SP3: variants seen among roughly 807,000 people sequenced by gnomAD.
SP3 encodes the protein transcription factor Sp3.
SP3 carries 10 observed loss-of-function variants against 70.3 expected under a neutral mutation model. The ratio of observed to expected loss-of-function variants is 0.14; its 90% confidence interval spans 0.09 to 0.24. The LOEUF is 0.24. SP3 is among the 10% of genes least tolerant of loss of function. The pLI, the probability that SP3 is intolerant of heterozygous loss-of-function variation, is 1.00. For missense variants in SP3, 825 were observed against 914.6 expected (o/e 0.90, Z 1.26); for synonymous variants, 402 against 333.5 (o/e 1.21, Z -2.24).
chr2:173,930,211 T>C (rs954214239), intron 4 of SP3, among the ~76,000 whole-genome samples: 2 of 152,194 alleles, frequency 1.3e-5, no homozygotes, highest in African/African-American at 4.8e-5. Context: ...GACTGGATCC[T>C]ACCAAAAGGA....
intron 3 of SP3, among the ~76,000 whole-genome samples, chr2:173,958,363 C>T (rs1690959998): frequency 6.7e-6 from 1 of 149,194 alleles, no homozygotes; most frequent in South Asian, 2.1e-4. Context: ...AAAATAAATA[C>T]AGCTAACGCA....
At chr2:173,951,033 A>AT (rs1690697201) in intron 4 of SP3, among the ~76,000 whole-genome samples, 1 of 152,174 alleles carries the variant, frequency 6.6e-6, no homozygotes, top group South Asian at 2.1e-4. Context: ...CTAAAATTCC[A>AT]TTTTGTATTC....
At chr2:173,941,326 T>C (rs1690367562) in intron 4 of SP3, among the ~76,000 whole-genome samples, 1 of 152,112 alleles carries the variant, frequency 6.6e-6, no homozygotes, top group African/African-American at 2.4e-5. Context: ...GAATAGATAA[T>C]GCTAGGCATG....
At chr2:173,927,991 GTTT>G (rs1387947927) in intron 4 of SP3, among the ~76,000 whole-genome samples, 1 of 152,082 alleles carries the variant, frequency 6.6e-6, no homozygotes, top group African/African-American at 2.4e-5. Flanking sequence ...CATAATTATA[GTTT>G]TTTATTTCTT....
chr2:173,910,731 A>G (rs573227368), intron 6 of SP3, among the ~76,000 whole-genome samples: 2 of 152,324 alleles, frequency 1.3e-5, no homozygotes, highest in East Asian at 3.9e-4. Context: ...AAGAAATGAC[A>G]CCACAAGCTT....
rs1303140598 is a variant in SP3 at position 173,907,284 on chromosome 2, T to C, written c.*2657A>G. The C allele has an allele frequency of 1.3e-5, 2 of 152,282 alleles. No individual in the cohort carries two copies. Among genetic ancestry groups the C allele is most frequent in the East Asian group, 1.9e-4 (1 of 5,192 alleles). The allele number at this position is 152,282 out of a possible 1,614,324, so 9.4% of individuals were successfully genotyped here. On this transcript the variant is annotated 3_prime_UTR_variant, in exon 7 of 7. Transcript: ENST00000310015. ...ATAAAGCAATTGACAAAACACCTAT[T>C]AGAGTATACCTACCCTGAGAATTAT...
At chr2:173,951,556 C>G (rs1288253978) in intron 4 of SP3, among the ~76,000 whole-genome samples, 1 of 152,184 alleles carries the variant, frequency 6.6e-6, no homozygotes, top group African/African-American at 2.4e-5. Context: ...CATTTAAAGT[C>G]TCAGATCTGC....
chr2:173,931,610 G>C (rs1196943833), intron 4 of SP3, among the ~76,000 whole-genome samples: 2 of 152,100 alleles, frequency 1.3e-5, no homozygotes, highest in Admixed American at 1.3e-4. Context: ...CCAAAGTGCT[G>C]GGGTTACAGG....
At position 173,916,957 on chromosome 2, in the gene SP3, A is replaced by C. The variant is rs1689631911; in HGVS notation, c.1832+1636T>G. The C allele has an allele frequency of 3.9e-5, 6 of 152,208 alleles. No individual in the cohort carries two copies. In the South Asian group the frequency reaches 1.0e-3, roughly 26 times the overall value. 9.4% of individuals were successfully genotyped at this position (152,208 alleles called of 1,614,324 possible). A position where few individuals can be genotyped will look rare whatever the true frequency, so the allele number is the denominator to read the frequency against. ...AAAATATGGTCACAAAAATTCTCAAAACAAGAACAGACATATAAAACAGTG... is the reference window on the plus strand; with the variant it reads ...AAAATATGGTCACAAAAATTCTCAACACAAGAACAGACATATAAAACAGTG... On this transcript the variant is annotated intron_variant, in intron 5 of 6. Transcript: ENST00000310015.
intron 3 of SP3, among the ~76,000 whole-genome samples, chr2:173,960,210 G>A (rs1382323898): frequency 6.6e-6 from 1 of 152,132 alleles, no homozygotes; most frequent in Non-Finnish European, 1.5e-5. Context: ...GTTGGCATTA[G>A]TACAGTAAAA....
At chr2:173,962,125 T>C (rs1158805052) in intron 3 of SP3, among the ~76,000 whole-genome samples, 1 of 152,134 alleles carries the variant, frequency 6.6e-6, no homozygotes, top group Non-Finnish European at 1.5e-5. Context: ...CATGGAAACT[T>C]CCCTACAAGT....
intron 4 of SP3, among the ~76,000 whole-genome samples, chr2:173,930,180 G>C (rs149324765): frequency 1.3e-5 from 2 of 152,262 alleles, no homozygotes; most frequent in African/African-American, 2.4e-5. Flanking sequence ...TTTTAACAAT[G>C]GAAGTGATGG....
chr2:173,926,509 G>A (rs534843129), intron 4 of SP3, among the ~76,000 whole-genome samples: 3 of 152,056 alleles, frequency 2.0e-5, no homozygotes, highest in South Asian at 2.1e-4. Flanking sequence ...CCTGTAGAAC[G>A]CACCAGAGGC....
In SP3 at chr2:173,939,688, CAG is replaced by C. The variant is rs1223479645; in HGVS notation, c.1639+15183_1639+15184del. 2.2e-5 allele frequency among the ~76,000 whole-genome samples: 3 copies of C among 133,688 alleles called. No individual in the cohort carries two copies. In the East Asian group the frequency reaches 7.2e-4, roughly 32 times the overall value. The allele number at this position is 133,688 out of a possible 152,430, so 87.7% of individuals were successfully genotyped here. ...GCTGAGGCAGGAAGATCACTTGAGCCAGAGAGGCGGAAGTTGTAGTGAGCCAA... is the reference window on the plus strand; with the variant it reads ...GCTGAGGCAGGAAGATCACTTGAGCCAGAGGCGGAAGTTGTAGTGAGCCAA... On this transcript the variant is annotated intron_variant, in intron 4 of 6. Coordinates refer to ENST00000310015, the MANE Select transcript of SP3 (RefSeq NM_003111.5).
chr2:173,913,421 G>A, intron 5 of SP3, 155 bp from the exon 6 acceptor site: 1 of 482,476 alleles, frequency 2.1e-6, no homozygotes, highest in Non-Finnish European at 3.4e-6. Context: ...CAGTTTAAAT[G>A]AAAATTTATG....
At chr2:173,923,378 A>G (rs953272812) in intron 4 of SP3, among the ~76,000 whole-genome samples, 1 of 152,140 alleles carries the variant, frequency 6.6e-6, no homozygotes, top group Admixed American at 6.6e-5. Context: ...ACACACCCAC[A>G]CACACAATAT....
chr2:173,963,079 T>C (rs1691138072), intron 3 of SP3: 1 of 152,260 alleles, frequency 6.6e-6, no homozygotes, highest in African/African-American at 2.4e-5. Context: ...CACATACTTT[T>C]CTAACACTGT....
chr2:173,915,007 C>A (rs1689586638), intron 5 of SP3: 1 of 152,146 alleles, frequency 6.6e-6, no homozygotes, highest in Non-Finnish European at 1.5e-5. Context: ...TGCCTCTCCT[C>A]TAAGCCTACC....
At chr2:173,962,937 G>A (rs538463771) in intron 3 of SP3, 21 of 152,266 alleles carry the variant, frequency 1.4e-4, no homozygotes, top group African/African-American at 5.1e-4. Flanking sequence ...CCCAGACACT[G>A]AAAACACTAC....
Sources: allele counts gnomAD v4.1 joint callset (sites outside exome capture counted in the v4.1 genomes callset), GRCh38; gene constraint gnomAD v4.1.1; transcripts MANE v1.5; gene names NCBI Gene and HGNC (gene_info 2026-07-23, HGNC 2026-07-21).